SPNS1: variants seen among roughly 807,000 people sequenced by gnomAD.
SPNS1 encodes SPNS lysolipid transporter 1, lysophospholipid, also known as protein spinster homolog 1.
Under a neutral mutation model 50.3 loss-of-function variants are expected in SPNS1, and 22 were observed. The observed-to-expected ratio is 0.44, with a 90% CI of 0.31 to 0.62. The LOEUF (loss-of-function observed/expected upper bound fraction) is 0.62, where lower values mean the gene tolerates loss of function less well. SPNS1 is among the 20% of genes least tolerant of loss of function. SPNS1 has a pLI of 0.07. For missense variants in SPNS1, 576 were observed against 728.6 expected, an observed-to-expected ratio of 0.79 and a Z score of 2.41; for synonymous variants, 295 against 317.4, an observed-to-expected ratio of 0.93 and a Z score of 0.75.
rs2141677105 is a variant in SPNS1, at chr16:28,983,029, G to A, written c.1221+107G>A. 7.4e-7 allele frequency: 1 copy of A among 1,349,752 alleles called. No individual in the cohort carries two copies. The allele number at this position is 1,349,752 out of a possible 1,614,324, so 83.6% of individuals were successfully genotyped here. A position where few individuals can be genotyped will look rare whatever the true frequency, so the allele number is the denominator to read the frequency against. ...AAAGCCCAGCCTCAACCTACCTTCTGCAATAAATAACATCTGTAGCAGACC... is the reference window on the plus strand; with the variant it reads ...AAAGCCCAGCCTCAACCTACCTTCTACAATAAATAACATCTGTAGCAGACC... On this transcript the variant is annotated intron_variant, in intron 9 of 11. Coordinates refer to ENST00000311008, the MANE Select transcript of SPNS1 (RefSeq NM_032038.3). The surrounding 1 kb of genome is among the most constrained non-coding windows in gnomAD (Gnocchi z 5.4).
intron 3 of SPNS1, chr16:28,978,818 A>C: frequency 3.9e-6 from 1 of 256,556 alleles, no homozygotes; most frequent in South Asian, 5.0e-5. Context: ...AAGGTCACTT[A>C]TTCATTAAAA....
chr16:28,984,652 T>C (rs1427347575), downstream of SPNS1: 2 of 627,004 alleles, frequency 3.2e-6, no homozygotes, highest in Admixed American at 2.6e-5. Flanking sequence ...TCTGGGTGAG[T>C]CTCTGCCCTT....
Position 28,983,418 on chromosome 16 carries a change from G to A in SPNS1, c.1320+128G>A. On this transcript the variant is annotated intron_variant, in intron 10 of 11. Transcript: ENST00000311008. This position sits in a 1 kb window ranked among gnomAD's most constrained non-coding sequence, Gnocchi z 5.4. ...CACTTCTCACCTTCCATTGTCAACTGGAGGAGAAAGATTTTGTCTTTGAAT... is the reference window on the plus strand; with the variant it reads ...CACTTCTCACCTTCCATTGTCAACTAGAGGAGAAAGATTTTGTCTTTGAAT... 1.3e-6 allele frequency: 1 copy of A among 746,302 alleles called. No individual in the cohort carries two copies. The highest frequency in any genetic ancestry group is 2.3e-6 in the Non-Finnish European group (1 of 435,844). The allele number at this position is 746,302 out of a possible 1,614,324, so 46.2% of individuals were successfully genotyped here.
At chr16:28,975,695 C>A in intron 2 of SPNS1, 138 bp downstream of exon 2, 1 of 890,988 alleles carries the variant, frequency 1.1e-6, no homozygotes, top group Non-Finnish European at 1.8e-6. Context: ...CCTGATGTTG[C>A]TCGGGGGTCA....
intron 2 of SPNS1, among the ~76,000 whole-genome samples, chr16:28,977,078 G>A (rs1965368619): frequency 1.3e-5 from 2 of 152,166 alleles, no homozygotes; most frequent in African/African-American, 4.8e-5. Flanking sequence ...CCAGCACTTT[G>A]GGAGGCCGAG....
At chr16:28,984,106 C>A in intron 11 of SPNS1, 99 bp from the exon 12 acceptor site, 1 of 1,432,622 alleles carries the variant, frequency 7.0e-7, no homozygotes, top group Non-Finnish European at 9.4e-7. Flanking sequence ...TGGGGTGGCT[C>A]TGTGGCTGCC....
chr16:28,984,457 G>A lies in SPNS1; in HGVS notation c.*158G>A. ...CTACCTGGGTAGCTCAGGGGAGGAG[G>A]TGGGGGTCCAGGAGGGGGATCCCTC... is the stretch of plus-strand genomic sequence containing the variant. On this transcript the variant is annotated 3_prime_UTR_variant, in exon 12 of 12. Transcript: ENST00000311008. 1.3e-6 allele frequency: 1 copy of A among 773,492 alleles called. No individual in the cohort carries two copies. The allele number at this position is 773,492 out of a possible 1,614,324, so 47.9% of individuals were successfully genotyped here.
At chr16:28,980,599 TC>T (rs1335301551) in intron 5 of SPNS1, 1 of 150,338 alleles carries the variant, frequency 6.7e-6, no homozygotes, top group African/African-American at 2.5e-5. Flanking sequence ...CACCTGTAAT[TC>T]CAGCACTTTG....
In SPNS1 at chr16:28,979,053, C is replaced by G. The variant is rs539385007; in HGVS notation, c.445-102C>G. On this transcript the variant is annotated intron_variant, in intron 3 of 11. Transcript: ENST00000311008. ...GGTCTGTGTGATTCTAAAACCCAGG[C>G]ATCTCCCGCCATCCCTGCTGCCTCT... is the stretch of plus-strand genomic sequence containing the variant. The G allele has an allele frequency of 6.4e-6, 9 of 1,417,164 alleles. No individual in the cohort carries two copies. In the East Asian group the frequency reaches 2.1e-4, roughly 33 times the overall value. The allele number at this position is 1,417,164 out of a possible 1,614,324, so 87.8% of individuals were successfully genotyped here.
chr16:28,978,685 C>T (rs1965429088), intron 3 of SPNS1: 1 of 163,786 alleles, frequency 6.1e-6, no homozygotes, highest in African/African-American at 2.4e-5. Flanking sequence ...TTGAAGCCTC[C>T]TCTGTCTGTT....
chr16:28,981,423 T>G lies in SPNS1; in HGVS notation c.664-47T>G. On this transcript the variant is annotated intron_variant, in intron 5 of 11. Coordinates refer to ENST00000311008, the MANE Select transcript of SPNS1 (RefSeq NM_032038.3). This position sits in a 1 kb window ranked among gnomAD's most constrained non-coding sequence, Gnocchi z 4.2. Reference sequence around the variant, plus strand: ...CCACACTCTCCTCCAGCCCAGGGCTTGAGTGTGTCTCTCCCTGTGCCTATC... The same window carrying G: ...CCACACTCTCCTCCAGCCCAGGGCTGGAGTGTGTCTCTCCCTGTGCCTATC... 1 of 1,610,568 alleles carries G rather than the reference T, an allele frequency of 6.2e-7. No homozygotes were observed.
chr16:28,982,088 C>T (rs775407887), intron 7 of SPNS1, 32 bp downstream of exon 7: 14 of 1,604,672 alleles, frequency 8.7e-6, no homozygotes, highest in African/African-American at 4.0e-5. Context: ...GGGGGGCCTG[C>T]GGGTGGCAGG....
chr16:28,979,733 C>A (rs1965477011), intron 5 of SPNS1: 1 of 428,224 alleles, frequency 2.3e-6, no homozygotes, highest in Admixed American at 3.6e-5. Flanking sequence ...AAAACTTTTT[C>A]TTTTTGTAGG....
intron 2 of SPNS1, among the ~76,000 whole-genome samples, chr16:28,977,614 G>A (rs1347595488): frequency 6.6e-6 from 1 of 152,186 alleles, no homozygotes; most frequent in Non-Finnish European, 1.5e-5. Context: ...GATTGGACAG[G>A]GGCATTGTGA....
chr16:28,978,825 A>T (rs79580337), intron 3 of SPNS1: 2 of 182,182 alleles, frequency 1.1e-5, no homozygotes, highest in African/African-American at 2.4e-5. Flanking sequence ...CTTATTCATT[A>T]AAAAAAAAAA....
Position 28,983,981 on chromosome 16 carries a change from C to T in SPNS1, c.1492+24C>T, listed in dbSNP as rs754014715. ...GGGTCAGTTAGGAGCTGTGCCCGGC[C>T]CAGCTTCTTGATCTGCCTGTCTGTC... On this transcript the variant is annotated intron_variant, in intron 11 of 11. Transcript: ENST00000311008. The surrounding 1 kb of genome is among the most constrained non-coding windows in gnomAD (Gnocchi z 5.4). 2 of 1,532,728 alleles carry T rather than the reference C, an allele frequency of 1.3e-6. No individual in the cohort carries two copies. Among genetic ancestry groups the T allele is most frequent in the Admixed American group, 4.0e-5 (2 of 50,382 alleles). The allele number at this position is 1,532,728 out of a possible 1,614,324, so 94.9% of individuals were successfully genotyped here.
Position 28,975,598 on chromosome 16 carries a change from T to C in SPNS1, c.307+41T>C, listed in dbSNP as rs371920115. On this transcript the variant is annotated intron_variant, in intron 2 of 11. Coordinates refer to ENST00000311008, the MANE Select transcript of SPNS1 (RefSeq NM_032038.3). ...TCCTGGTCACACAGCCGCTCCTCCT[T>C]CTGTTCTGTCTCAAGTGGGGCCACG... 44 of 1,610,184 alleles carry C rather than the reference T, an allele frequency of 2.7e-5. No homozygotes were observed. In the African/African-American group the frequency reaches 2.9e-4, roughly 11 times the overall value.
rs763961559 is a variant in SPNS1, at chr16:28,982,910, C to T, written c.1209C>T (p.Ala403=). The change falls in exon 9 of 12, where the codon GCC becomes GCT. Residue 403 remains alanine (A), a synonymous_variant. Transcript: ENST00000311008. ...TLLSMNWAIV[A]DILLYVVIPT... is the part of the protein sequence containing the mutation. ...TGTCCATGAACTGGGCCATCGTGGC[C>T]GACATTCTGCTGGTGAGTTGCTGGG... is the stretch of plus-strand genomic sequence containing the variant. The T allele has an allele frequency of 1.5e-5, 24 of 1,613,810 alleles. No homozygotes were observed. Among genetic ancestry groups the T allele is most frequent in the Middle Eastern group, 3.3e-4 (2 of 6,062 alleles).
In SPNS1 at chr16:28,983,997, CCTGT is replaced by C. The variant is rs755239709; in HGVS notation, c.1492+50_1492+53del. 20 of 1,523,664 alleles carry C rather than the reference CCTGT, an allele frequency of 1.3e-5. No homozygotes were observed. Among genetic ancestry groups the C allele is most frequent in the African/African-American group, 1.1e-4 (8 of 72,660 alleles). 94.4% of individuals were successfully genotyped at this position (1,523,664 alleles called of 1,614,324 possible). A position where few individuals can be genotyped will look rare whatever the true frequency, so the allele number is the denominator to read the frequency against. On this transcript the variant is annotated intron_variant, in intron 11 of 11. Transcript: ENST00000311008. This position sits in a 1 kb window ranked among gnomAD's most constrained non-coding sequence, Gnocchi z 5.4. Reference sequence around the variant, plus strand: ...GTGCCCGGCCCAGCTTCTTGATCTGCCTGTCTGTCTGTCCATCTGTCTGCCCACT... The same window carrying C: ...GTGCCCGGCCCAGCTTCTTGATCTGCCTGTCTGTCCATCTGTCTGCCCACT...
Sources: gnomAD v4.1 joint callset for allele counts (sites outside exome capture counted in the v4.1 genomes callset) on GRCh38, gnomAD v4.1.1 for gene constraint, Gnocchi (gnomAD v3.1) non-coding constraint, MANE v1.5 for transcripts, NCBI Gene and HGNC (gene_info 2026-07-23, HGNC 2026-07-21) for gene names.